The following BRWD3 variants were observed in gnomAD, a reference collection of about 807,000 sequenced individuals.
BRWD3 encodes bromodomain and WD repeat-containing protein 3.
In BRWD3, 10 loss-of-function variants were observed where a neutral mutation model predicts 149.7. That is an observed-to-expected ratio of 0.07 (90% confidence interval 0.04 to 0.11). BRWD3 has a LOEUF of 0.11. BRWD3 is among the 10% of genes least tolerant of loss of function. The pLI is 1.00. For synonymous variants in BRWD3, 504 were observed against 456.7 expected (o/e 1.10, Z -1.32); for missense variants, 940 against 1,373.2 (o/e 0.68, Z 4.99).
intron 20 of BRWD3, chrX:80,710,190 G>A (rs1428842426): frequency 7.9e-5 from 37 of 470,709 alleles, no homozygotes; most frequent in Non-Finnish European, 1.3e-4. Flanking sequence ...TGCCAGGAGT[G>A]TTTCGATTCC....
intron 6 of BRWD3, among the ~76,000 whole-genome samples, chrX:80,774,837 T>G (rs1444164097): frequency 1.8e-5 from 2 of 111,875 alleles, no homozygotes; most frequent in Non-Finnish European, 3.8e-5. Flanking sequence ...ATTCATTTTC[T>G]GTCTATATCT....
intron 20 of BRWD3, chrX:80,710,072 C>T (rs2072937954): frequency 1.1e-6 from 1 of 911,975 alleles, no homozygotes; most frequent in African/African-American, 2.0e-5. Flanking sequence ...GAAAAGGGCA[C>T]CATCGGAGCT....
At chrX:80,808,506 G>A in intron 4 of BRWD3, 33 bp downstream of exon 4, 1 of 1,172,903 alleles carries the variant, frequency 8.5e-7, no homozygotes, top group Non-Finnish European at 1.2e-6. Flanking sequence ...TGGTGAAAGA[G>A]TTAGGTTAAG....
At chrX:80,800,087 T>G (rs1383487336) in intron 4 of BRWD3, among the ~76,000 whole-genome samples, 1 of 109,673 alleles carries the variant, frequency 9.1e-6, no homozygotes, top group African/African-American at 3.3e-5. Context: ...TAATTTTGCC[T>G]AGAGGTTTAA....
chrX:80,727,136 T>C (rs1310188804), intron 14 of BRWD3, among the ~76,000 whole-genome samples: 1 of 110,346 alleles, frequency 9.1e-6, no homozygotes, highest in Non-Finnish European at 1.9e-5. Flanking sequence ...TATTTGTATT[T>C]AGTAAGCACA....
At chrX:80,795,765 AG>A (rs913255630) in intron 4 of BRWD3, among the ~76,000 whole-genome samples, 1 of 109,684 alleles carries the variant, frequency 9.1e-6, no homozygotes, top group Non-Finnish European at 1.9e-5. Context: ...TGAAAAAAAA[AG>A]AACAACAACA....
chrX:80,750,934 T>C (rs1453708813), intron 6 of BRWD3, among the ~76,000 whole-genome samples: 1 of 109,223 alleles, frequency 9.2e-6, no homozygotes, highest in African/African-American at 3.4e-5. Context: ...AAATTGGAAA[T>C]TATGCCATTC....
At chrX:80,751,023 T>A (rs2073659491) in intron 6 of BRWD3, among the ~76,000 whole-genome samples, 1 of 111,196 alleles carries the variant, frequency 9.0e-6, no homozygotes, top group Non-Finnish European at 1.9e-5. Flanking sequence ...CTGGTTGATA[T>A]CATTTATGTA....
intron 19 of BRWD3, 53 bp downstream of exon 19, chrX:80,717,520 T>A: frequency 9.1e-7 from 1 of 1,104,545 alleles, no homozygotes; most frequent in Non-Finnish European, 1.3e-6. Flanking sequence ...TTCAATTCAC[T>A]TCCTAAGAAT....
chrX:80,787,881 G>T (rs1179461441), intron 6 of BRWD3, among the ~76,000 whole-genome samples: 5 of 108,381 alleles, frequency 4.6e-5, no homozygotes, highest in Non-Finnish European at 9.6e-5. Flanking sequence ...TCAGGAGATC[G>T]AGACCATCCT....
intron 14 of BRWD3, among the ~76,000 whole-genome samples, chrX:80,725,992 A>G (rs1012549100): frequency 1.0e-5 from 1 of 97,622 alleles, no homozygotes; most frequent in Non-Finnish European, 2.1e-5. Flanking sequence ...TGTCTATATA[A>G]CATAACATGT....
chrX:80,685,385 A>G (rs765063661), intron 36 of BRWD3, 77 bp downstream of exon 36: 2 of 909,917 alleles, frequency 2.2e-6, no homozygotes, highest in Non-Finnish European at 3.2e-6. Flanking sequence ...CTTACAAACT[A>G]TAAGATTCAT....
chrX:80,707,362 C>T (rs187230387), intron 22 of BRWD3, 65 bp downstream of exon 22: 722 of 1,001,249 alleles, frequency 7.2e-4, no homozygotes, highest in Non-Finnish European at 5.3e-4. Flanking sequence ...CAATTTCCTA[C>T]GAGAACATAA....
chrX:80,690,947 G>T, intron 31 of BRWD3, 106 bp downstream of exon 31: 1 of 942,868 alleles, frequency 1.1e-6, no homozygotes, highest in Non-Finnish European at 1.5e-6. Flanking sequence ...TTTTGGTGTG[G>T]GTCTTTTGGA....
chrX:80,734,166 A>G lies in BRWD3; in HGVS notation c.1038T>C (p.Tyr346=). ...GSTDHVIRIY[Y]LGSEVPEKIA... is the part of the protein sequence containing the mutation. ...TTTTCTCAGGAACCTCAGAACCCAA[A>G]TAATATATTCTAATCACATGGTCAG... Residue 346 remains tyrosine (Y), a synonymous_variant, in exon 11 of 41, where the codon TAT becomes TAC. Transcript: ENST00000373275. The G allele has an allele frequency of 8.3e-7, 1 of 1,204,715 alleles. No homozygotes were observed. The highest frequency in any genetic ancestry group is 1.1e-6 in the Non-Finnish European group (1 of 889,193).
At chrX:80,743,170 T>G (rs1252243800) in intron 8 of BRWD3, among the ~76,000 whole-genome samples, 1 of 112,114 alleles carries the variant, frequency 8.9e-6, no homozygotes. Context: ...GTTCTTGTCT[T>G]TGGTTCTGTT....
At chrX:80,700,450 A>ATATATATATATATATATATAT (rs1482829141) in intron 24 of BRWD3, among the ~76,000 whole-genome samples, 8 of 99,584 alleles carry the variant, frequency 8.0e-5, no homozygotes, top group African/African-American at 1.1e-4. Context: ...ATAACAATAC[A>ATATATATATATATATATATAT]ATTAGGCCGG....
intron 20 of BRWD3, chrX:80,710,260 G>A: frequency 2.7e-6 from 1 of 374,472 alleles, no homozygotes. Context: ...TTGGAAGCAA[G>A]ACCCAAATAT....
rs768372693 is a variant in BRWD3 at position 80,809,420 on chromosome X, C to G, written c.31+21G>C. On this transcript the variant is annotated intron_variant, in intron 1 of 40. Coordinates refer to ENST00000373275, the MANE Select transcript of BRWD3 (RefSeq NM_153252.5). ...CCCCCATTCCCTTAGCACCCCCCCA[C>G]CCCCCGACACAGCTACCCACCGGCT... The G allele has an allele frequency of 1.4e-5, 16 of 1,117,015 alleles. No homozygotes were observed. In the Admixed American group the frequency reaches 3.5e-4, roughly 24 times the overall value. The allele number at this position is 1,117,015 out of a possible 1,213,427, so 92.1% of individuals were successfully genotyped here.
Sources: gnomAD v4.1 joint callset for allele counts (sites outside exome capture counted in the v4.1 genomes callset) on GRCh38, gnomAD v4.1.1 for gene constraint, MANE v1.5 for transcripts, NCBI Gene and HGNC (gene_info 2026-07-23, HGNC 2026-07-21) for gene names.